Variants in SYNC observed in about 807,000 individuals in gnomAD.
SYNC encodes the protein syncoilin, intermediate filament protein, also known as syncoilin.
SYNC carries 38 observed loss-of-function variants against 49.5 expected under a neutral mutation model. That is an observed-to-expected ratio of 0.77 (90% confidence interval 0.59 to 1.01). The LOEUF (loss-of-function observed/expected upper bound fraction) is 1.01, where lower values mean the gene tolerates loss of function less well. Ranked by LOEUF, SYNC falls within the 50% of genes least tolerant of loss-of-function variation. The pLI, the probability that SYNC is intolerant of heterozygous loss-of-function variation, is 0.00. For missense variants in SYNC, 579 were observed against 580.6 expected (o/e 1.00, Z 0.03); for synonymous variants, 201 against 230.8 (o/e 0.87, Z 1.17).
At chr1:32,703,192 G>C (rs1464971774), upstream of SYNC, 1 of 152,166 alleles carries the variant, frequency 6.6e-6, no homozygotes, top group African/African-American at 2.4e-5. Flanking sequence ...ACTCCGGGCT[G>C]TCCCCGGCAG....
chr1:32,681,925 T>C, intron 4 of SYNC, 65 bp from the exon 5 acceptor site: 1 of 1,425,514 alleles, frequency 7.0e-7, no homozygotes, highest in Admixed American at 1.7e-5. Context: ...GCAGGCTTTG[T>C]TGAGAAGAGA....
At chr1:32,701,773 C>G (rs1243223577) in intron 1 of SYNC, among the ~76,000 whole-genome samples, 1 of 152,210 alleles carries the variant, frequency 6.6e-6, no homozygotes, top group East Asian at 1.9e-4. Flanking sequence ...GCCACTCTGT[C>G]CCTGTCCCCA....
chr1:32,691,084 G>C (rs112840799), intron 2 of SYNC, among the ~76,000 whole-genome samples: 3 of 152,242 alleles, frequency 2.0e-5, no homozygotes, highest in Non-Finnish European at 4.4e-5. Context: ...CAGCTATGGT[G>C]GCATGCACCT....
At chr1:32,683,264 CAAAAAAAAAAAA>C (rs35935907) in intron 4 of SYNC, 2 of 89,240 alleles carry the variant, frequency 2.2e-5, no homozygotes, top group African/African-American at 7.9e-5. Flanking sequence ...GACTCCGTCT[CAAAAAAAAAAAA>C]AAAAAAAAAG....
chr1:32,694,274 G>A (rs1022806952), intron 2 of SYNC, among the ~76,000 whole-genome samples: 2 of 151,986 alleles, frequency 1.3e-5, no homozygotes, highest in Non-Finnish European at 2.9e-5. Flanking sequence ...TGGGAGGATC[G>A]CTTGAACCTG....
In SYNC at chr1:32,681,708, A is replaced by G; in HGVS notation, c.*142T>C. ...AATCTTTTTAAGCAGGTCAGCCAGT[A>G]TTTGCAACTTCCACAGGATGAATTG... On this transcript the variant is annotated 3_prime_UTR_variant, in exon 5 of 5. Coordinates refer to ENST00000409190, the MANE Select transcript of SYNC (RefSeq NM_030786.3). 1.5e-6 allele frequency: 2 copies of G among 1,345,376 alleles called. No individual in the cohort carries two copies. The highest frequency in any genetic ancestry group is 1.4e-5 in the African/African-American group (1 of 69,234). 83.3% of individuals were successfully genotyped at this position (1,345,376 alleles called of 1,614,324 possible). A position where few individuals can be genotyped will look rare whatever the true frequency, so the allele number is the denominator to read the frequency against.
intron 1 of SYNC, among the ~76,000 whole-genome samples, chr1:32,699,155 T>C (rs1472236420): frequency 2.3e-5 from 3 of 129,940 alleles, no homozygotes; most frequent in African/African-American, 9.7e-5. Flanking sequence ...TTTCTTTTCT[T>C]TTTTTTTTTT....
intron 4 of SYNC, chr1:32,683,772 A>T: frequency 2.3e-6 from 1 of 441,464 alleles, no homozygotes; most frequent in Non-Finnish European, 4.1e-6. Flanking sequence ...AGCTGGGATT[A>T]TAAGTGCCTG....
chr1:32,688,365 C>A lies in SYNC; in HGVS notation c.1234-3983G>T, dbSNP rs144415059. Among the ~76,000 whole-genome samples, 15 of 152,304 alleles carry A rather than the reference C, an allele frequency of 9.8e-5. 1 individual carries two copies. The East Asian group carries it at 2.9e-3, about 29-fold the overall frequency. On this transcript the variant is annotated intron_variant, in intron 2 of 4. Transcript: ENST00000409190. ...TTGTGTAAAGAACTTCAAGTACATA[C>A]TAGCTATTGTTGATCTATGAAATGT...
chr1:32,695,080 C>G lies in SYNC; in HGVS notation c.1018G>C (p.Glu340Gln), dbSNP rs1252473609. The G allele has an allele frequency of 1.9e-6, 3 of 1,613,434 alleles. No individual in the cohort carries two copies. In the Admixed American group the frequency reaches 5.0e-5, roughly 27 times the overall value. Reference protein sequence around the residue: ...NLMAESRQDLEEEYEPQFLRL... With the variant: ...NLMAESRQDLQEEYEPQFLRL... ...AGGAACTGAGGCTCATACTCCTCCTCCAGGTCCTGGCGGCTCTCTGCCATG... is the reference window on the plus strand; with the variant it reads ...AGGAACTGAGGCTCATACTCCTCCTGCAGGTCCTGGCGGCTCTCTGCCATG... The change falls in exon 2 of 5, where the codon GAG becomes CAG. Residue 340 changes from glutamate (E) to glutamine (Q), a missense_variant. Coordinates refer to ENST00000409190, the MANE Select transcript of SYNC (RefSeq NM_030786.3).
At chr1:32,687,105 A>T (rs1487471156) in intron 2 of SYNC, among the ~76,000 whole-genome samples, 2 of 152,188 alleles carry the variant, frequency 1.3e-5, no homozygotes, top group African/African-American at 2.4e-5. Context: ...CATGCCTGTA[A>T]TCTCAGCATT....
intron 2 of SYNC, among the ~76,000 whole-genome samples, chr1:32,694,639 G>A (rs1263096522): frequency 6.6e-6 from 1 of 151,120 alleles, no homozygotes; most frequent in African/African-American, 2.4e-5. Flanking sequence ...GGGCGACAGA[G>A]CGAGACTCCA....
In SYNC at chr1:32,700,318, G is replaced by A. The variant is rs74765247; in HGVS notation, c.53+2290C>T. ...AGCAGACGGCCCTTTCATCATTCTC[G>A]TGCCGAGCCGCCCACCTTGGAATGA... is the stretch of plus-strand genomic sequence containing the variant. On this transcript the variant is annotated intron_variant, in intron 1 of 4. Transcript: ENST00000409190. 2.1e-3 allele frequency among the ~76,000 whole-genome samples: 319 copies of A among 152,228 alleles called. 12 individuals are homozygous for A. In the East Asian group the frequency reaches 0.056, roughly 27 times the overall value.
intron 2 of SYNC, among the ~76,000 whole-genome samples, chr1:32,691,317 C>T (rs533937272): frequency 6.6e-6 from 1 of 151,430 alleles, no homozygotes; most frequent in Non-Finnish European, 1.5e-5. Flanking sequence ...ACTGCTTGAA[C>T]CCGGGAGGTA....
At chr1:32,686,897 C>T (rs909744201) in intron 2 of SYNC, among the ~76,000 whole-genome samples, 1 of 152,176 alleles carries the variant, frequency 6.6e-6, no homozygotes, top group African/African-American at 2.4e-5. Context: ...TCAAACTTTT[C>T]TGTGCAACCC....
chr1:32,700,545 C>T (rs1398684233), intron 1 of SYNC, among the ~76,000 whole-genome samples: 3 of 151,914 alleles, frequency 2.0e-5, no homozygotes, highest in Non-Finnish European at 4.4e-5. Flanking sequence ...AAAATACAAA[C>T]GATTAGCTGG....
At chr1:32,688,877 G>T (rs1028186353) in intron 2 of SYNC, among the ~76,000 whole-genome samples, 1 of 151,654 alleles carries the variant, frequency 6.6e-6, no homozygotes, top group Non-Finnish European at 1.5e-5. Flanking sequence ...CACTGCACCC[G>T]GCCTCTGGAG....
At position 32,680,422 on chromosome 1, in the gene SYNC, G is replaced by A; in HGVS notation, c.*1428C>T. ...TAAAGATGTATGTTTTTACCTGACA[G>A]TTATACCACAGGTAGACTGTCAAGT... On this transcript the variant is annotated 3_prime_UTR_variant, in exon 5 of 5. Coordinates refer to ENST00000409190, the MANE Select transcript of SYNC (RefSeq NM_030786.3). 1 of 1,257,408 alleles carries A rather than the reference G, an allele frequency of 8.0e-7. No individual in the cohort carries two copies. The highest frequency in any genetic ancestry group is 1.0e-6 in the Non-Finnish European group (1 of 983,320). The allele number at this position is 1,257,408 out of a possible 1,614,324, so 77.9% of individuals were successfully genotyped here. A position where few individuals can be genotyped will look rare whatever the true frequency, so the allele number is the denominator to read the frequency against.
At chr1:32,688,362 A>G (rs1372514456) in intron 2 of SYNC, among the ~76,000 whole-genome samples, 1 of 152,186 alleles carries the variant, frequency 6.6e-6, no homozygotes, top group Non-Finnish European at 1.5e-5. Context: ...CTTCAAGTAC[A>G]TACTAGCTAT....
Sources: allele counts gnomAD v4.1 joint callset (sites outside exome capture counted in the v4.1 genomes callset), GRCh38; gene constraint gnomAD v4.1.1; transcripts MANE v1.5; gene names NCBI Gene and HGNC (gene_info 2026-07-23, HGNC 2026-07-21).